Variants in CPOX observed in about 807,000 individuals in gnomAD.
CPOX encodes oxygen-dependent coproporphyrinogen-III oxidase, mitochondrial.
In CPOX, 24 loss-of-function variants were observed where a neutral mutation model predicts 48.9. That is an observed-to-expected ratio of 0.49 (90% CI 0.36 to 0.69). CPOX has a LOEUF of 0.69. Ranked by LOEUF, CPOX falls within the 30% of genes least tolerant of loss-of-function variation. CPOX has a pLI of 0.00. For missense variants in CPOX, 549 were observed against 597.3 expected (o/e 0.92, Z 0.84); for synonymous variants, 249 against 234.6 (o/e 1.06, Z -0.56).
At chr3:98,588,952 A>T (rs1394378897) in intron 3 of CPOX, 98 bp from the exon 4 acceptor site, 1 of 1,383,302 alleles carries the variant, frequency 7.2e-7, no homozygotes, top group African/African-American at 1.4e-5. Flanking sequence ...TTTTTTCAGC[A>T]TAAAATGGAT....
At chr3:98,582,751 A>G (rs542745945) in intron 5 of CPOX, among the ~76,000 whole-genome samples, 2 of 152,232 alleles carry the variant, frequency 1.3e-5, no homozygotes, top group Non-Finnish European at 2.9e-5. Context: ...TCGGCCTCCC[A>G]AAGTGCTAGG....
rs1707216518 is a variant in CPOX, at chr3:98,579,792, A to T, written c.*891T>A. The T allele has an allele frequency of 1.0e-6, 1 of 985,186 alleles. No homozygotes were observed. Among genetic ancestry groups the T allele is most frequent in the African/African-American group, 1.7e-5 (1 of 57,228 alleles). 61.0% of individuals were successfully genotyped at this position (985,186 alleles called of 1,614,324 possible). A position where few individuals can be genotyped will look rare whatever the true frequency, so the allele number is the denominator to read the frequency against. On this transcript the variant is annotated 3_prime_UTR_variant, in exon 7 of 7. Coordinates refer to ENST00000647941, the MANE Select transcript of CPOX (RefSeq NM_000097.7). Reference sequence around the variant, plus strand: ...AATGCCTCCAAGTTTCTCATACTATATATACTTGCTTTAAAGAAGGAAATT... The same window carrying T: ...AATGCCTCCAAGTTTCTCATACTATTTATACTTGCTTTAAAGAAGGAAATT...
At position 98,593,604 on chromosome 3, in the gene CPOX, G is replaced by A. The variant is rs904074142; in HGVS notation, c.-100C>T. ...AGTATTGAGCCGGCGAGCTGCACAG[G>A]CGGAAAGAACCTTTCGAGAAGAGCC... On this transcript the variant is annotated 5_prime_UTR_variant, in exon 1 of 7. Coordinates refer to ENST00000647941, the MANE Select transcript of CPOX (RefSeq NM_000097.7). 124 of 1,290,910 alleles carry A rather than the reference G, an allele frequency of 9.6e-5. No individual in the cohort carries two copies. Among genetic ancestry groups the A allele is most frequent in the Non-Finnish European group, 1.2e-4 (117 of 960,506 alleles). The allele number at this position is 1,290,910 out of a possible 1,614,324, so 80.0% of individuals were successfully genotyped here.
intron 5 of CPOX, among the ~76,000 whole-genome samples, chr3:98,582,293 T>C (rs1707272519): frequency 1.3e-5 from 2 of 152,186 alleles, no homozygotes; most frequent in African/African-American, 4.8e-5. Flanking sequence ...GGATAATTTC[T>C]ACTACTCAAA....
At chr3:98,585,895 C>T (rs1365320603) in intron 4 of CPOX, 15 of 437,722 alleles carry the variant, frequency 3.4e-5, no homozygotes, top group East Asian at 2.0e-4. Flanking sequence ...TTTTTTGAGA[C>T]GGACTCTTGC....
chr3:98,583,710 T>G (rs1262940076), intron 5 of CPOX, among the ~76,000 whole-genome samples: 1 of 152,164 alleles, frequency 6.6e-6, no homozygotes, highest in Admixed American at 6.5e-5. Flanking sequence ...CAAAAGGGAA[T>G]GAGACTGACT....
chr3:98,580,495 C>T lies in CPOX; in HGVS notation c.*188G>A. 1 of 1,435,022 alleles carries T rather than the reference C, an allele frequency of 7.0e-7. No homozygotes were observed. Among genetic ancestry groups the T allele is most frequent in the Non-Finnish European group, 9.1e-7 (1 of 1,096,438 alleles). 88.9% of individuals were successfully genotyped at this position (1,435,022 alleles called of 1,614,324 possible). ...ATGAGGTTTAATCAATTGACTCTGA[C>T]AATCTGCCATCTCACCATTCATCAC... On this transcript the variant is annotated 3_prime_UTR_variant, in exon 7 of 7. Transcript: ENST00000647941.
intron 4 of CPOX, among the ~76,000 whole-genome samples, chr3:98,587,613 A>G (rs912938058): frequency 6.6e-6 from 1 of 151,128 alleles, no homozygotes; most frequent in Non-Finnish European, 1.5e-5. Context: ...AATTTAACCC[A>G]TTAATGCATG....
chr3:98,592,862 T>C (rs964531589), intron 1 of CPOX, 87 bp downstream of exon 1: 19 of 1,413,402 alleles, frequency 1.3e-5, no homozygotes, highest in Non-Finnish European at 1.6e-5. Flanking sequence ...CCATCCCATA[T>C]TGTGAACTAT....
Position 98,580,556 on chromosome 3 carries a change from A to G in CPOX, c.*127T>C. The G allele has an allele frequency of 6.5e-7, 1 of 1,540,768 alleles. No individual in the cohort carries two copies. The highest frequency in any genetic ancestry group is 1.4e-5 in the African/African-American group (1 of 73,354). ...CAAAACATGTTATCATCTGCCCACG[A>G]GGTAGGGTGCAGAGTGGAGAAGACT... On this transcript the variant is annotated 3_prime_UTR_variant, in exon 7 of 7. Transcript: ENST00000647941.
intron 5 of CPOX, among the ~76,000 whole-genome samples, chr3:98,585,026 C>A (rs1220963061): frequency 6.6e-6 from 1 of 152,094 alleles, no homozygotes. Context: ...AATGTAGAGG[C>A]CAGCAAAATT....
chr3:98,591,220 G>C (rs1397194081), intron 1 of CPOX, 65 bp from the exon 2 acceptor site: 1 of 1,549,290 alleles, frequency 6.5e-7, no homozygotes, highest in Non-Finnish European at 8.9e-7. Context: ...AGCAACACTT[G>C]CATGAAGATG....
downstream of CPOX, among the ~76,000 whole-genome samples, chr3:98,577,753 C>T (rs903775810): frequency 6.6e-6 from 1 of 152,170 alleles, no homozygotes; most frequent in Admixed American, 6.5e-5. Flanking sequence ...CTGAGCCACC[C>T]ATAGGCAATG....
chr3:98,593,596 C>T lies in CPOX; in HGVS notation c.-92G>A, dbSNP rs1707536588. The T allele has an allele frequency of 7.4e-7, 1 of 1,344,744 alleles. No individual in the cohort carries two copies. The highest frequency in any genetic ancestry group is 1.4e-5 in the South Asian group (1 of 74,026). The allele number at this position is 1,344,744 out of a possible 1,614,324, so 83.3% of individuals were successfully genotyped here. ...ACCCCCGGAGTATTGAGCCGGCGAG[C>T]TGCACAGGCGGAAAGAACCTTTCGA... On this transcript the variant is annotated 5_prime_UTR_variant, in exon 1 of 7. Coordinates refer to ENST00000647941, the MANE Select transcript of CPOX (RefSeq NM_000097.7).
chr3:98,588,837 A>G lies in CPOX; in HGVS notation c.829T>C (p.Phe277Leu), dbSNP rs1707418809. 5 of 1,614,162 alleles carry G rather than the reference A, an allele frequency of 3.1e-6. No individual in the cohort carries two copies. The highest frequency in any genetic ancestry group is 4.2e-6 in the Non-Finnish European group (5 of 1,180,026). Reference sequence around the variant, plus strand: ...GGAGTGAGGTCACATCCACCACCAAACCACCACTGCTTGTTGCCTACCAAA... The same window carrying G: ...GGAGTGAGGTCACATCCACCACCAAGCCACCACTGCTTGTTGCCTACCAAA... ...EEADGNKQWW[F>L]GGGCDLTPTY... is the part of the protein sequence containing the mutation. The change falls in exon 4 of 7, where the codon TTT (phenylalanine) becomes CTT (leucine). Residue 277 changes from phenylalanine to leucine, a missense_variant. Coordinates refer to ENST00000647941, the MANE Select transcript of CPOX (RefSeq NM_000097.7).
At chr3:98,588,643 ACAT>A in intron 4 of CPOX, 67 bp downstream of exon 4, 1 of 1,514,538 alleles carries the variant, frequency 6.6e-7, no homozygotes, top group Non-Finnish European at 9.2e-7. Context: ...GTATTTAGTG[ACAT>A]AATAGTTGCC....
downstream of CPOX, among the ~76,000 whole-genome samples, chr3:98,577,286 T>C (rs1009326610): frequency 6.6e-6 from 1 of 152,126 alleles, no homozygotes; most frequent in Non-Finnish European, 1.5e-5. Flanking sequence ...GACTTTAGAA[T>C]TCTGTCTGGA....
rs769335043 is a variant in CPOX at position 98,581,482 on chromosome 3, C to T, written c.1202G>A (p.Arg401Gln). Reference sequence around the variant, plus strand: ...AGTGAAGAGGCCAAACTTTGTGCCCCGATCATACAGCAGATTAAATTCTAC... The same window carrying T: ...AGTGAAGAGGCCAAACTTTGTGCCCTGATCATACAGCAGATTAAATTCTAC... ...RYVEFNLLYD[R>Q]GTKFGLFTPG... The change falls in exon 6 of 7, where the codon CGG becomes CAG. Residue 401 changes from arginine to glutamine, a missense_variant. This residue lies in a region of CPOX where 213 missense variants were observed against 279.1 expected (regional missense o/e 0.76). Transcript: ENST00000647941. 2 of 1,613,796 alleles carry T rather than the reference C, an allele frequency of 1.2e-6. No individual in the cohort carries two copies. Among genetic ancestry groups the T allele is most frequent in the Admixed American group, 1.7e-5 (1 of 60,014 alleles).
At chr3:98,586,736 A>G (rs1707371353) in intron 4 of CPOX, among the ~76,000 whole-genome samples, 1 of 152,104 alleles carries the variant, frequency 6.6e-6, no homozygotes, top group Admixed American at 6.5e-5. Context: ...CGAGGTCAGG[A>G]GATCGAGACC....
Sources: allele counts gnomAD v4.1 joint callset (sites outside exome capture counted in the v4.1 genomes callset), GRCh38; gene constraint gnomAD v4.1.1; regional missense constraint gnomAD v4.1.1; transcripts MANE v1.5; gene names NCBI Gene and HGNC (gene_info 2026-07-23, HGNC 2026-07-21).